Variants in RHOXF1 observed in about 807,000 individuals in gnomAD.
RHOXF1 encodes the protein Rhox homeobox family member 1.
RHOXF1 carries 1 observed loss-of-function variant against 9.7 expected under a neutral mutation model. The ratio of observed to expected loss-of-function variants is 0.10; its 90% CI spans 0.04 to 0.49. The LOEUF (loss-of-function observed/expected upper bound fraction) is 0.49, where lower values mean the gene tolerates loss of function less well. Ranked by LOEUF, RHOXF1 falls within the 20% of genes least tolerant of loss-of-function variation. The pLI is 0.95. For synonymous variants in RHOXF1, 72 were observed against 70.2 expected (o/e 1.03, Z -0.13); for missense variants, 179 against 168.0 (o/e 1.07, Z -0.36).
rs1556000038 is a variant in RHOXF1 at position 120,112,855 on chromosome X, T to C, written c.444+14A>G. The C allele has an allele frequency of 8.5e-7, 1 of 1,176,744 alleles. No homozygotes were observed. The highest frequency in any genetic ancestry group is 1.2e-6 in the Non-Finnish European group (1 of 868,361). On this transcript the variant is annotated intron_variant, in intron 2 of 2. Coordinates refer to ENST00000217999, the MANE Select transcript of RHOXF1 (RefSeq NM_139282.3). ...ATGGCTGTCCTCTCAAATTGCTTTT[T>C]CAAGTGTACTGACCCGCACTTTGTC...
chrX:120,115,927 T>C (rs1603391171), upstream of RHOXF1: 1 of 1,020,813 alleles, frequency 9.8e-7, no homozygotes, highest in South Asian at 2.4e-5. Context: ...GGTTAGAGGG[T>C]GGAGCTAGTT....
intron 2 of RHOXF1, among the ~76,000 whole-genome samples, chrX:120,110,351 A>G (rs1347029867): frequency 3.6e-5 from 4 of 111,665 alleles, no homozygotes; most frequent in South Asian, 7.6e-4. Context: ...TGCTCACCCA[A>G]TAGTTTAGGG....
chrX:120,114,053 G>T (rs1417148698), intron 1 of RHOXF1, among the ~76,000 whole-genome samples: 1 of 109,589 alleles, frequency 9.1e-6, no homozygotes, highest in South Asian at 4.0e-4. Context: ...AGCTGAAATC[G>T]CACTGCTGCA....
chrX:120,112,441 TA>T (rs1350950813), intron 2 of RHOXF1, among the ~76,000 whole-genome samples: 36,324 of 70,754 alleles, frequency 0.51, 7,070 homozygotes, highest in Non-Finnish European at 0.67. Context: ...ACATATATTA[TA>T]TATAATACAC....
chrX:120,113,422 C>T (rs782545152), intron 1 of RHOXF1, among the ~76,000 whole-genome samples: 10 of 110,057 alleles, frequency 9.1e-5, no homozygotes, highest in East Asian at 2.9e-4. Context: ...CCACCGCACC[C>T]GGCCAAGATG....
intron 1 of RHOXF1, among the ~76,000 whole-genome samples, chrX:120,113,523 T>C (rs1556000140): frequency 9.1e-6 from 1 of 109,941 alleles, no homozygotes; most frequent in Non-Finnish European, 1.9e-5. Context: ...GCAGGATCAC[T>C]GCTCACTGCA....
In RHOXF1 at chrX:120,115,495, C is replaced by T. The variant is rs782789749; in HGVS notation, c.368G>A (p.Arg123Gln). Residue 123 changes from arginine to glutamine, a missense_variant, in exon 1 of 3, where the codon CGA becomes CAA. Arg to Gln is a conservative substitution (Grantham distance 43). Coordinates refer to ENST00000217999, the MANE Select transcript of RHOXF1 (RefSeq NM_139282.3). ...GGGCACATCAGGGTATTGAGTGTGT[C>T]GGAAAACACTTTCCAGCTCCTCCAC... ...LQVEELESVF[R>Q]HTQYPDVPTR... 12 of 1,131,725 alleles carry T rather than the reference C, an allele frequency of 1.1e-5. No homozygotes were observed. The highest frequency in any genetic ancestry group is 2.5e-4 in the Middle Eastern group (1 of 3,981). The allele number at this position is 1,131,725 out of a possible 1,213,427, so 93.3% of individuals were successfully genotyped here.
At chrX:120,111,667 C>T (rs2057265578) in intron 2 of RHOXF1, among the ~76,000 whole-genome samples, 1 of 111,465 alleles carries the variant, frequency 9.0e-6, no homozygotes, top group African/African-American at 3.3e-5. Flanking sequence ...GAAAACCCAC[C>T]TCTTCAAAAA....
At chrX:120,109,737 C>T (rs903749482) in intron 2 of RHOXF1, among the ~76,000 whole-genome samples, 1 of 110,015 alleles carries the variant, frequency 9.1e-6, no homozygotes, top group Non-Finnish European at 1.9e-5. Flanking sequence ...GAGGTACATG[C>T]CACTATGCCC....
chrX:120,116,630 T>C (rs1189904685), upstream of RHOXF1: 1 of 110,833 alleles, frequency 9.0e-6, no homozygotes, highest in Non-Finnish European at 1.9e-5. Context: ...AATGATTGAC[T>C]GGGGGCTGCT....
chrX:120,117,060 C>T (rs1556000764), upstream of RHOXF1, among the ~76,000 whole-genome samples: 1 of 110,445 alleles, frequency 9.1e-6, no homozygotes, highest in Non-Finnish European at 1.9e-5. Flanking sequence ...ACTACACAGC[C>T]TTCCTACCAC....
In RHOXF1 at chrX:120,112,460, TAA is replaced by T. The variant is rs1404966552; in HGVS notation, c.444+407_444+408del. 1.3e-4 allele frequency among the ~76,000 whole-genome samples: 9 copies of T among 67,358 alleles called. 1 individual carries two copies. Among genetic ancestry groups the T allele is most frequent in the East Asian group, 4.4e-4 (1 of 2,296 alleles). 58.5% of individuals were successfully genotyped at this position (67,358 alleles called of 115,157 possible). On this transcript the variant is annotated intron_variant, in intron 2 of 2. Transcript: ENST00000217999. ...ATATTATATATAATACACATATGTATAATATATAATACACATATATGTGTTAT... is the reference window on the plus strand; with the variant it reads ...ATATTATATATAATACACATATGTATTATATAATACACATATATGTGTTAT...
At chrX:120,117,111 G>A (rs1453213661), upstream of RHOXF1, among the ~76,000 whole-genome samples, 1 of 110,464 alleles carries the variant, frequency 9.1e-6, no homozygotes, top group Non-Finnish European at 1.9e-5. Flanking sequence ...ACCCTGAAGA[G>A]CCTGGTGCAG....
chrX:120,112,342 C>T (rs973270559), intron 2 of RHOXF1, among the ~76,000 whole-genome samples: 1 of 105,836 alleles, frequency 9.4e-6, no homozygotes, highest in Non-Finnish European at 1.9e-5. Flanking sequence ...AAGATACCAG[C>T]GTTAGAAGGA....
chrX:120,113,438 T>C (rs2057279655), intron 1 of RHOXF1, among the ~76,000 whole-genome samples: 1 of 110,082 alleles, frequency 9.1e-6, no homozygotes, highest in Non-Finnish European at 1.9e-5. Context: ...AGATGAATAA[T>C]TTAATGCATT....
At position 120,115,857 on chromosome X, in the gene RHOXF1, C is replaced by T. The variant is rs376932123; in HGVS notation, c.6G>A (p.Ala2=). Residue 2 remains alanine, a synonymous_variant, in exon 1 of 3, where the codon GCG becomes GCA. Transcript: ENST00000217999. ...ACACGGTGTCGTGGACGAGCGAACG[C>T]GCCATGGCTGGAGCGCTGCGCCCCT... is the stretch of plus-strand genomic sequence containing the variant. M[A]RSLVHDTVFY... 17 of 1,173,918 alleles carry T rather than the reference C, an allele frequency of 1.4e-5. No individual in the cohort carries two copies. The highest frequency in any genetic ancestry group is 2.3e-5 in the Admixed American group (1 of 43,090).
At chrX:120,112,461 A>AATATATAATACACATATATGTGTT (rs2057271576) in intron 2 of RHOXF1, among the ~76,000 whole-genome samples, 3 of 74,955 alleles carry the variant, frequency 4.0e-5, no homozygotes, top group African/African-American at 1.1e-4. Context: ...ACATATGTAT[A>AATATATAATACACATATATGTGTT]ATATATAATA....
At chrX:120,113,939 A>G (rs1262789181) in intron 1 of RHOXF1, among the ~76,000 whole-genome samples, 1 of 109,072 alleles carries the variant, frequency 9.2e-6, no homozygotes, top group Non-Finnish European at 1.9e-5. Flanking sequence ...ACACAAAAAA[A>G]ATACAAAAAT....
In RHOXF1 at chrX:120,109,137, G is replaced by T; in HGVS notation, c.*55C>A. On this transcript the variant is annotated 3_prime_UTR_variant, in exon 3 of 3. Coordinates refer to ENST00000217999, the MANE Select transcript of RHOXF1 (RefSeq NM_139282.3). ...GGCATGGGCAGCCCAGGTGTCAGTGGCACCAGAAAAACCCATCTCCAAACT... is the reference window on the plus strand; with the variant it reads ...GGCATGGGCAGCCCAGGTGTCAGTGTCACCAGAAAAACCCATCTCCAAACT... The T allele has an allele frequency of 1.3e-6, 1 of 786,392 alleles. No homozygotes were observed. The highest frequency in any genetic ancestry group is 1.9e-6 in the Non-Finnish European group (1 of 521,004). 64.8% of individuals were successfully genotyped at this position (786,392 alleles called of 1,213,427 possible). A position where few individuals can be genotyped will look rare whatever the true frequency, so the allele number is the denominator to read the frequency against.
Sources: gnomAD v4.1 joint callset for allele counts (sites outside exome capture counted in the v4.1 genomes callset) on GRCh38, gnomAD v4.1.1 for gene constraint, MANE v1.5 for transcripts, NCBI Gene and HGNC (gene_info 2026-07-23, HGNC 2026-07-21) for gene names.